The following MACROD1 variants were observed in gnomAD, a reference collection of about 807,000 sequenced individuals.
MACROD1 encodes ADP-ribose glycohydrolase MACROD1.
Under a neutral mutation model 41.4 loss-of-function variants are expected in MACROD1, and 31 were observed. The ratio of observed to expected loss-of-function variants is 0.75; its 90% CI spans 0.56 to 1.01. The LOEUF (loss-of-function observed/expected upper bound fraction) is 1.01, where lower values mean the gene tolerates loss of function less well. Ranked by LOEUF, MACROD1 falls within the 50% of genes least tolerant of loss-of-function variation. MACROD1 has a pLI of 0.00. For missense variants in MACROD1, 473 were observed against 460.0 expected, an observed-to-expected ratio of 1.03 and a Z score of -0.26; for synonymous variants, 252 against 203.4, an observed-to-expected ratio of 1.24 and a Z score of -2.03.
intron 3 of MACROD1, among the ~76,000 whole-genome samples, chr11:64,031,978 G>A (rs564407206): frequency 1.3e-5 from 2 of 152,374 alleles, no homozygotes; most frequent in South Asian, 2.1e-4. Flanking sequence ...CTGAGGCCAG[G>A]GTTGTGCCCT....
In MACROD1 at chr11:64,132,786, G is replaced by A. The variant is rs75276936; in HGVS notation, c.517+18453C>T. Among the ~76,000 whole-genome samples the A allele has an allele frequency of 1.9e-4, 29 of 152,310 alleles. No individual in the cohort carries two copies. In the East Asian group the frequency reaches 5.6e-3, roughly 29 times the overall value. On this transcript the variant is annotated intron_variant, in intron 3 of 10. Transcript: ENST00000255681. The stretch of plus-strand genomic sequence containing the variant: ...GGGGCGCCCATCTGCGAGAGGCAAG[G>A]CAGCGGGGGCCAGTGGTGCCAGGCG...
At chr11:64,012,778 C>T (rs1943033251) in intron 4 of MACROD1, among the ~76,000 whole-genome samples, 2 of 152,310 alleles carry the variant, frequency 1.3e-5, no homozygotes, top group South Asian at 4.1e-4. Context: ...TGAGGTGATC[C>T]ACCTGCCTTG....
intron 3 of MACROD1, chr11:64,117,134 G>A (rs375237819): frequency 2.5e-5 from 40 of 1,612,714 alleles, no homozygotes; most frequent in Admixed American, 8.4e-5. Context: ...CCTACAACAC[G>A]CTGGCCAAGA....
intron 3 of MACROD1, among the ~76,000 whole-genome samples, chr11:64,071,967 C>G (rs988591747): frequency 6.6e-6 from 1 of 152,218 alleles, no homozygotes; most frequent in African/African-American, 2.4e-5. Context: ...GCCTCAGCTG[C>G]CGAGGGGAAC....
At chr11:64,047,626 G>A (rs1943609545) in intron 3 of MACROD1, among the ~76,000 whole-genome samples, 1 of 152,170 alleles carries the variant, frequency 6.6e-6, no homozygotes, top group Non-Finnish European at 1.5e-5. Flanking sequence ...GCCGGGCGCG[G>A]TGGCTTATGC....
intron 3 of MACROD1, among the ~76,000 whole-genome samples, chr11:64,029,141 G>A (rs1347587958): frequency 6.6e-6 from 1 of 152,244 alleles, no homozygotes; most frequent in African/African-American, 2.4e-5. Flanking sequence ...GCGAGGAGCT[G>A]CTTGAGTTCC....
intron 3 of MACROD1, among the ~76,000 whole-genome samples, chr11:64,043,268 C>T (rs1393760063): frequency 6.6e-6 from 1 of 152,196 alleles, no homozygotes; most frequent in Non-Finnish European, 1.5e-5. Context: ...CTGGGATAAT[C>T]ACCCTGCTCG....
rs757935460 is a variant in MACROD1 at position 64,117,956 on chromosome 11, G to A, written c.517+33283C>T. 5.0e-6 allele frequency: 8 copies of A among 1,613,590 alleles called. No homozygotes were observed. In the Admixed American group the frequency reaches 8.3e-5, roughly 17 times the overall value. Reference sequence around the variant, plus strand: ...GCATCATCGGCGGGGCAGTGGCTCTGGTCTTCCTCTTCCTGGTCCTGGGGG... The same window carrying A: ...GCATCATCGGCGGGGCAGTGGCTCTAGTCTTCCTCTTCCTGGTCCTGGGGG... On this transcript the variant is annotated intron_variant, in intron 3 of 10. Transcript: ENST00000255681.
chr11:64,060,419 G>C (rs868435395), intron 3 of MACROD1: 1 of 152,256 alleles, frequency 6.6e-6, no homozygotes, highest in African/African-American at 2.4e-5. Flanking sequence ...GATCCCTAGA[G>C]TCCCAGGCAG....
chr11:64,037,026 C>T (rs528321073), intron 3 of MACROD1, among the ~76,000 whole-genome samples: 2 of 150,878 alleles, frequency 1.3e-5, no homozygotes, highest in South Asian at 2.1e-4. Context: ...CCCGGGAGGT[C>T]TTCGAGGCCC....
At chr11:64,104,919 C>T (rs1016668610) in intron 3 of MACROD1, among the ~76,000 whole-genome samples, 1 of 152,176 alleles carries the variant, frequency 6.6e-6, no homozygotes, top group Non-Finnish European at 1.5e-5. Context: ...AAACACAAAT[C>T]CCAGCAACCT....
chr11:64,143,493 C>T (rs945823368), intron 3 of MACROD1, among the ~76,000 whole-genome samples: 2 of 152,084 alleles, frequency 1.3e-5, no homozygotes, highest in Non-Finnish European at 2.9e-5. Flanking sequence ...CTTGAGGGGG[C>T]TTGGGACACA....
Position 64,090,850 on chromosome 11 carries a change from C to T in MACROD1, c.517+60389G>A, listed in dbSNP as rs1944477720. 6.6e-6 allele frequency among the ~76,000 whole-genome samples: 1 copy of T among 152,040 alleles called. No homozygotes were observed. Among genetic ancestry groups the T allele is most frequent in the Non-Finnish European group, 1.5e-5 (1 of 68,000 alleles). ...CCCGAGTCGGGTCCAGCCCTGCACT[C>T]CCAGGGAGCCCTGAGGGACGAAGTA... On this transcript the variant is annotated intron_variant, in intron 3 of 10. Coordinates refer to ENST00000255681, the MANE Select transcript of MACROD1 (RefSeq NM_014067.4). The surrounding 1 kb of genome is among the most constrained non-coding windows in gnomAD (Gnocchi z 4.7).
chr11:64,000,153 C>T lies in MACROD1; in HGVS notation c.664+74G>A. ...AGTTCCCCAGCACTCCTGTGGGGGC[C>T]GCACCCCTGATGTCCCAGTGACACA... On this transcript the variant is annotated intron_variant, in intron 5 of 10. Coordinates refer to ENST00000255681, the MANE Select transcript of MACROD1 (RefSeq NM_014067.4). 7.3e-6 allele frequency: 9 copies of T among 1,237,146 alleles called. No homozygotes were observed. In the South Asian group the frequency reaches 1.0e-4, roughly 14 times the overall value. 76.6% of individuals were successfully genotyped at this position (1,237,146 alleles called of 1,614,324 possible).
At chr11:64,155,733 G>C (rs568295803) in intron 1 of MACROD1, among the ~76,000 whole-genome samples, 1 of 152,280 alleles carries the variant, frequency 6.6e-6, no homozygotes, top group African/African-American at 2.4e-5. Flanking sequence ...GGAGACCAAG[G>C]CAAGCCAATC....
rs1048848155 is a variant in MACROD1 at position 64,077,748 on chromosome 11, C to T, written c.518-62467G>A. ...GGGTCACTACCCCTCACTGCATTGC[C>T]GAGGGAGGAGTCCCCAGCCCGTGGC... On this transcript the variant is annotated intron_variant, in intron 3 of 10. Coordinates refer to ENST00000255681, the MANE Select transcript of MACROD1 (RefSeq NM_014067.4). 1.1e-4 allele frequency among the ~76,000 whole-genome samples: 16 copies of T among 152,304 alleles called. No homozygotes were observed. In the East Asian group the frequency reaches 2.7e-3, roughly 26 times the overall value.
At chr11:64,049,744 G>C (rs757458178) in intron 3 of MACROD1, among the ~76,000 whole-genome samples, 29 of 152,236 alleles carry the variant, frequency 1.9e-4, no homozygotes, top group Non-Finnish European at 3.1e-4. Context: ...CATCCTGAGG[G>C]GGATCGGTTT....
At chr11:64,049,839 C>A (rs1330830729) in intron 3 of MACROD1, among the ~76,000 whole-genome samples, 2 of 152,182 alleles carry the variant, frequency 1.3e-5, no homozygotes, top group Non-Finnish European at 2.9e-5. Flanking sequence ...AGGGCTGGGG[C>A]CTGGCTGAGC....
intron 3 of MACROD1, among the ~76,000 whole-genome samples, chr11:64,068,466 G>A (rs1395794449): frequency 2.0e-5 from 3 of 152,234 alleles, no homozygotes; most frequent in Admixed American, 1.3e-4. Context: ...GCACGGTAAG[G>A]GCTGGCACAG....
Sources: gnomAD v4.1 joint callset for allele counts (sites outside exome capture counted in the v4.1 genomes callset) on GRCh38, gnomAD v4.1.1 for gene constraint, Gnocchi (gnomAD v3.1) non-coding constraint, MANE v1.5 for transcripts, NCBI Gene and HGNC (gene_info 2026-07-23, HGNC 2026-07-21) for gene names.